The following KCNT2 variants were observed in gnomAD, a reference collection of about 807,000 sequenced individuals.
KCNT2 encodes the protein potassium sodium-activated channel subfamily T member 2.
A neutral mutation model predicts 153.8 loss-of-function variants in KCNT2; 67 were observed. The ratio of observed to expected loss-of-function variants is 0.44; its 90% CI spans 0.36 to 0.53. The LOEUF is 0.53. Ranked by LOEUF, KCNT2 falls within the 20% of genes least tolerant of loss-of-function variation. The pLI, the probability that KCNT2 is intolerant of heterozygous loss-of-function variation, is 0.00. For missense variants in KCNT2, 975 were observed against 1,354.8 expected (o/e 0.72, Z 4.40); for synonymous variants, 500 against 458.8 (o/e 1.09, Z -1.15).
chr1:196,317,474 T>C (rs185204320), intron 20 of KCNT2, among the ~76,000 whole-genome samples: 2 of 151,814 alleles, frequency 1.3e-5, no homozygotes, highest in African/African-American at 4.8e-5. Context: ...GAATGTGTTA[T>C]GGCCCTTGTG....
At chr1:196,574,373 C>A (rs1218634250) in intron 1 of KCNT2, among the ~76,000 whole-genome samples, 1 of 151,246 alleles carries the variant, frequency 6.6e-6, no homozygotes, top group Admixed American at 6.6e-5. Context: ...AGCAATCCTA[C>A]AAGAGAGTGA....
intron 14 of KCNT2, among the ~76,000 whole-genome samples, chr1:196,369,728 T>C (rs1224226795): frequency 6.6e-6 from 1 of 152,126 alleles, no homozygotes; most frequent in East Asian, 1.9e-4. Context: ...TCTATCATTG[T>C]TGGACATTTG....
intron 12 of KCNT2, among the ~76,000 whole-genome samples, chr1:196,411,424 G>A (rs1264221616): frequency 7.7e-6 from 1 of 129,456 alleles, no homozygotes; most frequent in Non-Finnish European, 1.6e-5. Context: ...ATAATTTCAG[G>A]ATTGTTTTTA....
At chr1:196,256,088 C>T (rs2147770912) in intron 26 of KCNT2, among the ~76,000 whole-genome samples, 1 of 152,034 alleles carries the variant, frequency 6.6e-6, no homozygotes. Flanking sequence ...AGCATAAACA[C>T]AAGTATAAAA....
intron 21 of KCNT2, 43 bp from the exon 22 acceptor site, chr1:196,305,388 A>G (rs780715217): frequency 2.8e-6 from 3 of 1,052,808 alleles, no homozygotes; most frequent in Admixed American, 3.5e-5. Context: ...ACAATCCAAT[A>G]TGGTATTTTT....
intron 1 of KCNT2, among the ~76,000 whole-genome samples, chr1:196,507,981 T>C (rs1445405716): frequency 2.6e-5 from 4 of 151,686 alleles, no homozygotes; most frequent in Non-Finnish European, 4.4e-5. Context: ...CTACTTGATA[T>C]TAAGACTTAT....
intron 1 of KCNT2, among the ~76,000 whole-genome samples, chr1:196,517,457 T>C (rs1652733790): frequency 6.6e-6 from 1 of 152,092 alleles, no homozygotes; most frequent in African/African-American, 2.4e-5. Context: ...ATTCAGAATA[T>C]GGATAAGAAT....
chr1:196,543,494 A>G (rs1656656373), intron 1 of KCNT2, among the ~76,000 whole-genome samples: 1 of 152,138 alleles, frequency 6.6e-6, no homozygotes, highest in African/African-American at 2.4e-5. Flanking sequence ...GATGTAGAGG[A>G]AAAGAAAATC....
chr1:196,472,377 G>C (rs2148677614), intron 5 of KCNT2, among the ~76,000 whole-genome samples: 1 of 152,210 alleles, frequency 6.6e-6, no homozygotes, highest in Middle Eastern at 3.4e-3. Context: ...TGTAACTGCT[G>C]AGCCAATTGA....
intron 26 of KCNT2, among the ~76,000 whole-genome samples, chr1:196,255,227 T>C (rs1656367513): frequency 1.3e-5 from 2 of 151,850 alleles, no homozygotes; most frequent in South Asian, 4.1e-4. Context: ...TTAAAAAATC[T>C]TTTCACTTGC....
At chr1:196,478,439 A>T (rs1442582375) in intron 5 of KCNT2, among the ~76,000 whole-genome samples, 1 of 152,160 alleles carries the variant, frequency 6.6e-6, no homozygotes, top group East Asian at 1.9e-4. Flanking sequence ...GTTCTAGACA[A>T]ATATATTTAT....
At chr1:196,466,647 A>G (rs1677642385) in intron 7 of KCNT2, among the ~76,000 whole-genome samples, 1 of 152,106 alleles carries the variant, frequency 6.6e-6, no homozygotes, top group South Asian at 2.1e-4. Flanking sequence ...CATTTTGTAT[A>G]TATGTATGTA....
chr1:196,504,535 C>T (rs925804866), intron 1 of KCNT2, among the ~76,000 whole-genome samples: 4 of 152,086 alleles, frequency 2.6e-5, no homozygotes, highest in African/African-American at 4.8e-5. Flanking sequence ...AATAGTGCTG[C>T]AATAAACATA....
At position 196,348,362 on chromosome 1, in the gene KCNT2, A is replaced by T. The variant is rs947889758; in HGVS notation, c.1404-6134T>A. Among the ~76,000 whole-genome samples the T allele has an allele frequency of 2.6e-5, 4 of 152,184 alleles. No homozygotes were observed. In the East Asian group the frequency reaches 7.7e-4, roughly 29 times the overall value. On this transcript the variant is annotated intron_variant, in intron 14 of 27. Transcript: ENST00000294725. ...TAGAGTGGGAAGCTCATCGAAAATT[A>T]TGAAAAACCATTTAATAAAGATTTA... is the stretch of plus-strand genomic sequence containing the variant.
intron 1 of KCNT2, among the ~76,000 whole-genome samples, chr1:196,506,409 G>T (rs748146459): frequency 3.4e-4 from 52 of 152,170 alleles, no homozygotes; most frequent in Non-Finnish European, 7.2e-4. Context: ...ATTTGATATG[G>T]TTGTTTCCTA....
At chr1:196,234,049 G>A (rs1020971306) in intron 27 of KCNT2, among the ~76,000 whole-genome samples, 46 of 151,286 alleles carry the variant, frequency 3.0e-4, no homozygotes, top group Non-Finnish European at 5.0e-4. Context: ...AGCTGGAAAA[G>A]AACATTTGGG....
In KCNT2 at chr1:196,226,818, G is replaced by A. The variant is rs987819740; in HGVS notation, c.*1406C>T. On this transcript the variant is annotated 3_prime_UTR_variant, in exon 28 of 28. Transcript: ENST00000294725. ...AGTTTTATATGTATTTTTTGTTGTT[G>A]CTGAATTAAACTCAATGTCAAATTC... 1.3e-5 allele frequency: 2 copies of A among 151,744 alleles called. No homozygotes were observed. The highest frequency in any genetic ancestry group is 1.3e-4 in the Admixed American group (2 of 15,234). 9.4% of individuals were successfully genotyped at this position (151,744 alleles called of 1,614,324 possible). A position where few individuals can be genotyped will look rare whatever the true frequency, so the allele number is the denominator to read the frequency against.
rs1277119006 is a variant in KCNT2, at chr1:196,427,958, AT to A, written c.984+146del. ...GCATTTTTTTTCTATGTTCCTGGTT[AT>A]ATTTGTGGTTCTTCATTTACTCCTT... On this transcript the variant is annotated intron_variant, in intron 10 of 27. Coordinates refer to ENST00000294725, the MANE Select transcript of KCNT2 (RefSeq NM_198503.5). 8 of 540,890 alleles carry A rather than the reference AT, an allele frequency of 1.5e-5. No homozygotes were observed. In the African/African-American group the frequency reaches 1.5e-4, roughly 10 times the overall value. The allele number at this position is 540,890 out of a possible 1,614,324, so 33.5% of individuals were successfully genotyped here. A position where few individuals can be genotyped will look rare whatever the true frequency, so the allele number is the denominator to read the frequency against.
intron 1 of KCNT2, among the ~76,000 whole-genome samples, chr1:196,607,823 C>T (rs1380835571): frequency 6.6e-6 from 1 of 152,050 alleles, no homozygotes; most frequent in Non-Finnish European, 1.5e-5. Flanking sequence ...AACTTGCATG[C>T]AATTTTGAGT....
Sources: allele counts gnomAD v4.1 joint callset (sites outside exome capture counted in the v4.1 genomes callset), GRCh38; gene constraint gnomAD v4.1.1; transcripts MANE v1.5; gene names NCBI Gene and HGNC (gene_info 2026-07-23, HGNC 2026-07-21).